Variants in SAMD12 observed in about 807,000 individuals in gnomAD.
The protein encoded by SAMD12 is sterile alpha motif domain containing 12, also known as sterile alpha motif domain-containing protein 12.
In SAMD12, 9 loss-of-function variants were observed where a neutral mutation model predicts 15.0. The observed-to-expected ratio is 0.60, with a 90% confidence interval of 0.36 to 1.05. The LOEUF is 1.05. Among genes scored for constraint, SAMD12 ranks in the 50% least tolerant of loss-of-function variants. SAMD12 has a pLI of 0.01. For synonymous variants in SAMD12, 86 were observed against 90.1 expected, an observed-to-expected ratio of 0.96 and a Z score of 0.25; for missense variants, 230 against 234.2, an observed-to-expected ratio of 0.98 and a Z score of 0.12.
At chr8:118,245,047 T>A (rs550514232) in intron 4 of SAMD12, among the ~76,000 whole-genome samples, 5 of 152,258 alleles carry the variant, frequency 3.3e-5, no homozygotes, top group Admixed American at 3.3e-4. Context: ...AAGGGAACTC[T>A]GAGAATACTT....
chr8:118,481,356 T>TAAC (rs1222932622), intron 2 of SAMD12, among the ~76,000 whole-genome samples: 1 of 152,230 alleles, frequency 6.6e-6, no homozygotes, highest in Non-Finnish European at 1.5e-5. Context: ...TTTGAATACT[T>TAAC]AACACCTAGC....
At chr8:118,408,368 A>G (rs1341052322) in intron 3 of SAMD12, among the ~76,000 whole-genome samples, 4 of 152,110 alleles carry the variant, frequency 2.6e-5, no homozygotes. Flanking sequence ...GTTCTTTGTG[A>G]GTGTCTTCCC....
intron 4 of SAMD12, among the ~76,000 whole-genome samples, chr8:118,324,927 T>C (rs917311055): frequency 6.6e-6 from 1 of 152,178 alleles, no homozygotes; most frequent in Non-Finnish European, 1.5e-5. Flanking sequence ...ACATGGCTAT[T>C]CAATCTGTAT....
chr8:118,204,532 A>T (rs1172349649), intron 4 of SAMD12, among the ~76,000 whole-genome samples: 1 of 152,138 alleles, frequency 6.6e-6, no homozygotes, highest in East Asian at 1.9e-4. Context: ...AGCCGGGCAG[A>T]TCACGAGGTC....
At chr8:118,389,385 C>T (rs988574729) in intron 3 of SAMD12, among the ~76,000 whole-genome samples, 3 of 152,064 alleles carry the variant, frequency 2.0e-5, no homozygotes, top group Admixed American at 6.6e-5. Context: ...TAAGGGATGA[C>T]TAAGAAAAGG....
intron 2 of SAMD12, among the ~76,000 whole-genome samples, chr8:118,533,578 T>C (rs538736399): frequency 6.6e-6 from 1 of 152,296 alleles, no homozygotes; most frequent in Non-Finnish European, 1.5e-5. Flanking sequence ...GGAGTCTAAG[T>C]CTCTTTGTAG....
chr8:118,555,563 G>A (rs973032921), intron 2 of SAMD12, among the ~76,000 whole-genome samples: 1 of 152,092 alleles, frequency 6.6e-6, no homozygotes, highest in African/African-American at 2.4e-5. Context: ...TTTTGTTAAT[G>A]AATCAAAGAA....
At chr8:118,620,307 C>G (rs956000309) in intron 1 of SAMD12, among the ~76,000 whole-genome samples, 10 of 140,082 alleles carry the variant, frequency 7.1e-5, no homozygotes, top group Non-Finnish European at 1.1e-4. Context: ...AGTAGGTCAA[C>G]ATATCCTTGG....
the SAMD12 span, among the ~76,000 whole-genome samples, chr8:118,169,174 C>A: frequency 6.6e-6 from 1 of 152,106 alleles, no homozygotes; most frequent in African/African-American, 2.4e-5. Flanking sequence ...TGTAACCAAC[C>A]TGTACATGTA....
the SAMD12 span, among the ~76,000 whole-genome samples, chr8:118,181,366 C>T: frequency 6.6e-6 from 1 of 152,156 alleles, no homozygotes; most frequent in Non-Finnish European, 1.5e-5. Flanking sequence ...TTTTTGTCTG[C>T]CTTGCATCCA....
At chr8:118,196,582 C>G (rs1363278997) in exon 5 of SAMD12, 1 of 152,054 alleles carries the variant, frequency 6.6e-6, no homozygotes, top group East Asian at 1.9e-4. Context: ...AGTAAGGAAC[C>G]TAGTATAGGA....
At chr8:118,216,477 T>C (rs1385460391) in intron 4 of SAMD12, among the ~76,000 whole-genome samples, 1 of 152,142 alleles carries the variant, frequency 6.6e-6, no homozygotes, top group East Asian at 1.9e-4. Flanking sequence ...TAGATCCCAT[T>C]TGTCAATTTT....
intron 4 of SAMD12, among the ~76,000 whole-genome samples, chr8:118,289,085 C>T (rs569592759): frequency 6.6e-6 from 1 of 152,196 alleles, no homozygotes; most frequent in South Asian, 2.1e-4. Flanking sequence ...TATGTGCATC[C>T]ATCAATTCAT....
intron 4 of SAMD12, among the ~76,000 whole-genome samples, chr8:118,333,743 C>A (rs1180958536): frequency 6.6e-6 from 1 of 152,112 alleles, no homozygotes; most frequent in African/African-American, 2.4e-5. Context: ...TGATCACTGA[C>A]CTTCTCAACC....
At chr8:118,132,243 A>C in the SAMD12 span, among the ~76,000 whole-genome samples, 2 of 152,152 alleles carry the variant, frequency 1.3e-5, no homozygotes. Flanking sequence ...TCCCCTGTGG[A>C]TATATACATT....
intron 2 of SAMD12, among the ~76,000 whole-genome samples, chr8:118,472,328 A>T (rs1195789165): frequency 6.6e-6 from 1 of 151,772 alleles, no homozygotes; most frequent in Non-Finnish European, 1.5e-5. Flanking sequence ...AATGCCAAGC[A>T]CCTTTCAGAC....
At chr8:118,476,290 C>G (rs1305185766) in intron 2 of SAMD12, among the ~76,000 whole-genome samples, 1 of 152,192 alleles carries the variant, frequency 6.6e-6, no homozygotes, top group Admixed American at 6.5e-5. Flanking sequence ...CCAGTTCTCA[C>G]ATCCTGGACC....
chr8:118,543,071 C>T (rs1312385631), intron 2 of SAMD12, among the ~76,000 whole-genome samples: 1 of 152,088 alleles, frequency 6.6e-6, no homozygotes, highest in East Asian at 1.9e-4. Context: ...ATTAAAAACA[C>T]TAAAAATGAA....
intron 2 of SAMD12, among the ~76,000 whole-genome samples, chr8:118,492,122 C>CTTTTTTTTTTTTTTTTTTTTTTTTTTTTT (rs543720456): frequency 7.6e-6 from 1 of 132,150 alleles, no homozygotes; most frequent in Non-Finnish European, 1.6e-5. Context: ...CTGGTGTTGC[C>CTTTTTTTTTTTTTTTTTTTTTTTTTTTTT]TTTTTTTTTT....
Sources: gnomAD v4.1 joint callset for allele counts (sites outside exome capture counted in the v4.1 genomes callset) on GRCh38, gnomAD v4.1.1 for gene constraint, MANE v1.5 for transcripts, NCBI Gene and HGNC (gene_info 2026-07-23, HGNC 2026-07-21) for gene names.